Variants in SHISA5 observed in about 807,000 individuals in gnomAD.
SHISA5 encodes shisa family member 5, also known as protein shisa-5.
In SHISA5, 21 loss-of-function variants were observed where a neutral mutation model predicts 27.5. The observed-to-expected ratio is 0.76, with a 90% CI of 0.54 to 1.10. The LOEUF is 1.10. Ranked by LOEUF, SHISA5 falls within the 50% of genes least tolerant of loss-of-function variation. The pLI, the probability that SHISA5 is intolerant of heterozygous loss-of-function variation, is 0.00. For missense variants in SHISA5, 314 were observed against 336.3 expected (o/e 0.93, Z 0.52); for synonymous variants, 137 against 142.2 (o/e 0.96, Z 0.26).
intron 2 of SHISA5, among the ~76,000 whole-genome samples, chr3:48,482,068 C>CG (rs2041041054): frequency 2.7e-5 from 2 of 73,176 alleles, no homozygotes; most frequent in East Asian, 4.4e-4. Context: ...GACTCTGTCT[C>CG]ACAAAAAAGA....
chr3:48,469,228 G>A lies in SHISA5; in HGVS notation c.644-42C>T. The A allele has an allele frequency of 1.2e-6, 2 of 1,601,302 alleles. No homozygotes were observed. The highest frequency in any genetic ancestry group is 1.7e-6 in the Non-Finnish European group (2 of 1,174,318). Reference sequence around the variant, plus strand: ...CCCTGGTTGGCTGTGAGCATGGTGGGCTGCCGTGTGAGTGGCAGGCAAGCA... The same window carrying A: ...CCCTGGTTGGCTGTGAGCATGGTGGACTGCCGTGTGAGTGGCAGGCAAGCA... On this transcript the variant is annotated intron_variant, in intron 5 of 5. Coordinates refer to ENST00000296444, the MANE Select transcript of SHISA5 (RefSeq NM_016479.6). This position sits in a 1 kb window ranked among gnomAD's most constrained non-coding sequence, Gnocchi z 4.6.
chr3:48,477,403 TAAAAACA>T (rs991711870), intron 3 of SHISA5, among the ~76,000 whole-genome samples: 4 of 152,000 alleles, frequency 2.6e-5, no homozygotes, highest in East Asian at 1.9e-4. Context: ...GCCTCCCTTT[TAAAAACA>T]AAAAACAAAA....
intron 2 of SHISA5, among the ~76,000 whole-genome samples, chr3:48,488,671 T>C (rs1428830477): frequency 6.6e-6 from 1 of 150,968 alleles, no homozygotes; most frequent in Admixed American, 6.6e-5. Flanking sequence ...CCGTCTCTAC[T>C]AAAAACACAA....
intron 3 of SHISA5, among the ~76,000 whole-genome samples, chr3:48,474,511 A>G (rs1010210024): frequency 1.3e-5 from 2 of 151,560 alleles, no homozygotes; most frequent in African/African-American, 4.9e-5. Flanking sequence ...TAATTTGTGT[A>G]TTTTTAGTAG....
At chr3:48,487,071 T>G (rs191921723) in intron 2 of SHISA5, among the ~76,000 whole-genome samples, 1 of 151,302 alleles carries the variant, frequency 6.6e-6, no homozygotes, top group Non-Finnish European at 1.5e-5. Flanking sequence ...CATAGGGAGA[T>G]CCCATCAGTA....
At position 48,502,947 on chromosome 3, in the gene SHISA5, C is replaced by G. The variant is rs2041799250; in HGVS notation, c.76+1072G>C. 7.0e-6 allele frequency: 3 copies of G among 427,178 alleles called. No homozygotes were observed. In the Admixed American group the frequency reaches 8.4e-5, roughly 12 times the overall value. 26.5% of individuals were successfully genotyped at this position (427,178 alleles called of 1,614,324 possible). On this transcript the variant is annotated intron_variant, in intron 1 of 5. Transcript: ENST00000296444. Reference sequence around the variant, plus strand: ...AGAGTGAAGCCCAGAGACAGAGACACCAAGTGACCTCCTTGGGAAGAGGGA... The same window carrying G: ...AGAGTGAAGCCCAGAGACAGAGACAGCAAGTGACCTCCTTGGGAAGAGGGA...
At chr3:48,492,432 T>A (rs2041464049) in intron 2 of SHISA5, among the ~76,000 whole-genome samples, 1 of 148,220 alleles carries the variant, frequency 6.7e-6, no homozygotes, top group Non-Finnish European at 1.5e-5. Flanking sequence ...ATCGGGCCAC[T>A]GCAGTCCCGC....
intron 1 of SHISA5, 175 bp downstream of exon 1, chr3:48,503,844 G>A: frequency 3.1e-6 from 4 of 1,304,874 alleles, no homozygotes; most frequent in Non-Finnish European, 3.9e-6. Flanking sequence ...GGCAAGGAGG[G>A]TGCTGGGGTG....
In SHISA5 at chr3:48,504,141, G is replaced by A. The variant is rs993671054; in HGVS notation, c.-47C>T. On this transcript the variant is annotated 5_prime_UTR_variant, in exon 1 of 6. Transcript: ENST00000296444. The surrounding 1 kb of genome is among the most constrained non-coding windows in gnomAD (Gnocchi z 4.0). ...GACGGACGCGAGCGCCGGGCGCAGT[G>A]CCGCCACAGCCTCAGTGATCCGCGC... 1 of 955,220 alleles carries A rather than the reference G, an allele frequency of 1.0e-6. No individual in the cohort carries two copies. The highest frequency in any genetic ancestry group is 1.7e-5 in the African/African-American group (1 of 57,906). 59.2% of individuals were successfully genotyped at this position (955,220 alleles called of 1,614,324 possible).
chr3:48,476,774 C>T (rs752801354), intron 3 of SHISA5: 3 of 223,092 alleles, frequency 1.3e-5, no homozygotes, highest in Non-Finnish European at 2.8e-5. Context: ...AAGCAGAGGA[C>T]AAGAGATGAC....
chr3:48,472,254 G>A (rs867872245), intron 3 of SHISA5, among the ~76,000 whole-genome samples: 3 of 152,128 alleles, frequency 2.0e-5, no homozygotes, highest in African/African-American at 4.8e-5. Flanking sequence ...TTGGGAGGCC[G>A]AGGCAGGCGG....
Position 48,468,622 on chromosome 3 carries a change from C to T in SHISA5, c.*485G>A, listed in dbSNP as rs1368119635. On this transcript the variant is annotated 3_prime_UTR_variant, in exon 6 of 6. Transcript: ENST00000296444. ...TGTCCCTGGCTCTGCAACGGGTACC[C>T]CCAACTCCGGGGACGAGCCATGGCC... 2.5e-6 allele frequency: 3 copies of T among 1,197,760 alleles called. No homozygotes were observed. The highest frequency in any genetic ancestry group is 1.6e-5 in the African/African-American group (1 of 62,740). 74.2% of individuals were successfully genotyped at this position (1,197,760 alleles called of 1,614,324 possible). A position where few individuals can be genotyped will look rare whatever the true frequency, so the allele number is the denominator to read the frequency against.
At chr3:48,503,218 T>G in intron 1 of SHISA5, 5 of 1,273,328 alleles carry the variant, frequency 3.9e-6, no homozygotes, top group South Asian at 3.7e-5. Context: ...GTGAGGCTGT[T>G]TAGGCTGAGT....
intron 3 of SHISA5, chr3:48,472,865 C>A: frequency 1.1e-6 from 1 of 888,794 alleles, no homozygotes; most frequent in Non-Finnish European, 1.8e-6. Flanking sequence ...AGGTGTCTTC[C>A]GGCCCAACCA....
At chr3:48,477,953 T>A (rs942931804) in intron 3 of SHISA5, among the ~76,000 whole-genome samples, 5 of 152,192 alleles carry the variant, frequency 3.3e-5, no homozygotes, top group African/African-American at 9.6e-5. Context: ...ACCCACCCCA[T>A]CTGCTCTTTC....
chr3:48,504,647 A>C (rs1178155013), upstream of SHISA5: 1 of 152,160 alleles, frequency 6.6e-6, no homozygotes, highest in Admixed American at 6.6e-5. This position sits in a 1 kb window ranked among gnomAD's most constrained non-coding sequence, Gnocchi z 4.0. Flanking sequence ...CTCAGTAGAC[A>C]CTCCACAAAT....
intron 3 of SHISA5, among the ~76,000 whole-genome samples, chr3:48,478,009 G>T (rs1047226919): frequency 1.3e-5 from 2 of 152,128 alleles, no homozygotes; most frequent in African/African-American, 4.8e-5. Flanking sequence ...AACTCCATTC[G>T]GTCCCCAGCG....
At chr3:48,502,996 A>T (rs1421182975) in intron 1 of SHISA5, 3 of 728,538 alleles carry the variant, frequency 4.1e-6, no homozygotes, top group Non-Finnish European at 6.1e-6. Flanking sequence ...GTTGGGGGGA[A>T]CTGCACTTCT....
intron 2 of SHISA5, among the ~76,000 whole-genome samples, chr3:48,486,299 ATATAT>A (rs2041225555): frequency 4.2e-5 from 4 of 96,072 alleles, no homozygotes; most frequent in Non-Finnish European, 7.2e-5. Context: ...ATTATATATT[ATATAT>A]TATATAATAT....
Sources: gnomAD v4.1 joint callset for allele counts (sites outside exome capture counted in the v4.1 genomes callset) on GRCh38, gnomAD v4.1.1 for gene constraint, Gnocchi (gnomAD v3.1) non-coding constraint, MANE v1.5 for transcripts, NCBI Gene and HGNC (gene_info 2026-07-23, HGNC 2026-07-21) for gene names.